The following BBS9 variants were observed in gnomAD, a reference collection of about 807,000 sequenced individuals.
The protein encoded by BBS9 is protein PTHB1.
In BBS9, 89 loss-of-function variants were observed where a neutral mutation model predicts 117.7. The observed-to-expected ratio is 0.76, with a 90% CI of 0.64 to 0.90. The LOEUF (loss-of-function observed/expected upper bound fraction) is 0.90. Ranked by LOEUF, BBS9 falls within the 40% of genes least tolerant of loss-of-function variation. The probability of loss-of-function intolerance (pLI) is 0.00; values close to 1 mark genes in which losing one functional copy is unlikely to be tolerated. For missense variants in BBS9, 982 were observed against 1,042.2 expected (o/e 0.94, Z 0.80); for synonymous variants, 379 against 370.9 (o/e 1.02, Z -0.25).
At chr7:33,168,542 T>C (rs1796043843) in intron 4 of BBS9, among the ~76,000 whole-genome samples, 1 of 152,204 alleles carries the variant, frequency 6.6e-6, no homozygotes, top group African/African-American at 2.4e-5. Context: ...AATTAAATTT[T>C]ACTTTTGTAT....
At chr7:33,169,723 A>AT (rs757107043) in intron 4 of BBS9, among the ~76,000 whole-genome samples, 48 of 151,904 alleles carry the variant, frequency 3.2e-4, no homozygotes, top group Admixed American at 7.9e-4. Flanking sequence ...CCTTTGTCAG[A>AT]TGAGTAGGTT....
At chr7:33,464,488 A>G (rs1839897371) in intron 19 of BBS9, among the ~76,000 whole-genome samples, 1 of 152,070 alleles carries the variant, frequency 6.6e-6, no homozygotes. Context: ...GGAGGGAGTG[A>G]GGACTAGTTT....
chr7:33,528,568 G>T (rs77601275), intron 20 of BBS9, among the ~76,000 whole-genome samples: 8,319 of 152,026 alleles, frequency 0.055, 524 homozygotes, highest in Admixed American at 0.19. Flanking sequence ...TCTATTTTCT[G>T]ATTTTAAAAA....
chr7:33,264,238 A>G, intron 6 of BBS9, 52 bp from the exon 7 acceptor site: 1 of 956,848 alleles, frequency 1.0e-6, no homozygotes, highest in Middle Eastern at 3.5e-4. Context: ...AAAATAATTT[A>G]TAATTTTTAA....
intron 5 of BBS9, among the ~76,000 whole-genome samples, chr7:33,227,883 T>C (rs989948980): frequency 1.3e-5 from 2 of 152,204 alleles, no homozygotes; most frequent in Non-Finnish European, 2.9e-5. Flanking sequence ...GCTGATTCTA[T>C]ATCTTTGCAA....
intron 4 of BBS9, among the ~76,000 whole-genome samples, chr7:33,158,235 G>A (rs1242253401): frequency 6.6e-6 from 1 of 152,118 alleles, no homozygotes; most frequent in African/African-American, 2.4e-5. Flanking sequence ...ACCGAAAACT[G>A]TTGTCAAAGT....
At chr7:33,233,137 G>GATTCAGATC (rs1181997431) in intron 5 of BBS9, among the ~76,000 whole-genome samples, 2 of 152,124 alleles carry the variant, frequency 1.3e-5, no homozygotes, top group Non-Finnish European at 2.9e-5. Context: ...GAAAGCTGAA[G>GATTCAGATC]TAATCTTCAA....
chr7:33,275,244 CAT>C (rs775065772), intron 9 of BBS9, among the ~76,000 whole-genome samples: 4 of 152,106 alleles, frequency 2.6e-5, no homozygotes, highest in South Asian at 4.1e-4. Context: ...TGAGAAAAAA[CAT>C]ATAATTCTAA....
intron 11 of BBS9, among the ~76,000 whole-genome samples, chr7:33,342,998 A>G (rs1365642804): frequency 1.3e-5 from 2 of 152,306 alleles, no homozygotes; most frequent in Admixed American, 6.5e-5. Context: ...GGAGATAAGC[A>G]TTGCTATCCC....
rs377182519 is a variant in BBS9 at position 33,357,309 on chromosome 7, T to C, written c.1553-546T>C. ...ATATTCTACATATTAATGTGTAAAATGAACATGGACTTCAATAGAACTTCA... is the reference window on the plus strand; with the variant it reads ...ATATTCTACATATTAATGTGTAAAACGAACATGGACTTCAATAGAACTTCA... On this transcript the variant is annotated intron_variant, in intron 15 of 22. Coordinates refer to ENST00000242067, the MANE Select transcript of BBS9 (RefSeq NM_198428.3). 3.5e-4 allele frequency among the ~76,000 whole-genome samples: 53 copies of C among 151,906 alleles called. No individual in the cohort carries two copies. In the East Asian group the frequency reaches 7.3e-3, roughly 21 times the overall value.
At chr7:33,375,328 G>A (rs961982447) in intron 17 of BBS9, among the ~76,000 whole-genome samples, 4 of 152,018 alleles carry the variant, frequency 2.6e-5, no homozygotes, top group South Asian at 2.1e-4. Context: ...TCAAGGGCAC[G>A]TTTTAAAATA....
chr7:33,295,517 C>T (rs1394096354), intron 9 of BBS9, among the ~76,000 whole-genome samples: 7 of 151,688 alleles, frequency 4.6e-5, no homozygotes, highest in Non-Finnish European at 1.0e-4. Context: ...TTTAAAATTT[C>T]TGCAGAATTT....
chr7:33,388,277 C>A (rs189740199), intron 19 of BBS9, 133 bp downstream of exon 19: 78 of 1,108,978 alleles, frequency 7.0e-5, no homozygotes, highest in Admixed American at 6.9e-4. Context: ...AGTGCACAAG[C>A]TTTAGAGTCA....
chr7:33,358,024 G>C (rs771848730), intron 16 of BBS9, 29 bp downstream of exon 16: 92 of 1,604,568 alleles, frequency 5.7e-5, no homozygotes, highest in Non-Finnish European at 7.8e-5. Flanking sequence ...CATGCCTGCA[G>C]CATCAAAAAT....
At chr7:33,447,570 G>T (rs886924884) in intron 19 of BBS9, among the ~76,000 whole-genome samples, 3 of 152,130 alleles carry the variant, frequency 2.0e-5, no homozygotes, top group African/African-American at 7.2e-5. Flanking sequence ...TTTCCAAAAA[G>T]ACTTTTTAAA....
In BBS9 at chr7:33,352,853, G is replaced by A. The variant is rs1470356741; in HGVS notation, c.1538-6G>A. On this transcript the variant is annotated splice_polypyrimidine_tract_variant and splice_region_variant and intron_variant, in intron 14 of 22. Coordinates refer to ENST00000242067, the MANE Select transcript of BBS9 (RefSeq NM_198428.3). ...TACCCATTTTTGCATTGCCTGTGAT[G>A]GACAGATCGAAATCCTGATGGTAAG... 1.9e-6 allele frequency: 3 copies of A among 1,612,530 alleles called. No homozygotes were observed. Among genetic ancestry groups the A allele is most frequent in the Admixed American group, 1.7e-5 (1 of 59,996 alleles).
chr7:33,191,283 A>C (rs1179492914), intron 5 of BBS9, among the ~76,000 whole-genome samples: 1 of 152,200 alleles, frequency 6.6e-6, no homozygotes, highest in Non-Finnish European at 1.5e-5. Flanking sequence ...GCTATGTTTA[A>C]AGCAATTGAT....
chr7:33,294,976 T>A (rs1804953943), intron 9 of BBS9, among the ~76,000 whole-genome samples: 1 of 152,156 alleles, frequency 6.6e-6, no homozygotes, highest in Non-Finnish European at 1.5e-5. Flanking sequence ...GGTTTACTGT[T>A]ACAATGAGAC....
At chr7:33,260,341 C>T (rs902262823) in intron 6 of BBS9, among the ~76,000 whole-genome samples, 1 of 152,150 alleles carries the variant, frequency 6.6e-6, no homozygotes, top group Non-Finnish European at 1.5e-5. Context: ...TTTTATAATC[C>T]AGTCCCATTT....
Sources: gnomAD v4.1 joint callset for allele counts (sites outside exome capture counted in the v4.1 genomes callset) on GRCh38, gnomAD v4.1.1 for gene constraint, MANE v1.5 for transcripts, NCBI Gene and HGNC (gene_info 2026-07-23, HGNC 2026-07-21) for gene names.